OTOGL: variants seen among roughly 807,000 people sequenced by gnomAD.
OTOGL encodes otogelin-like protein.
Under a neutral mutation model 318.5 loss-of-function variants are expected in OTOGL, and 285 were observed. That is an observed-to-expected ratio of 0.89 (90% CI 0.81 to 0.99). OTOGL has a LOEUF of 0.99. OTOGL is among the 50% of genes least tolerant of loss of function. The pLI, the probability that OTOGL is intolerant of heterozygous loss-of-function variation, is 0.00. For synonymous variants in OTOGL, 987 were observed against 936.5 expected (o/e 1.05, Z -0.99); for missense variants, 2,899 against 2,845.6 (o/e 1.02, Z -0.43).
chr12:80,357,328 A>G (rs1889969794), intron 49 of OTOGL, among the ~76,000 whole-genome samples: 1 of 152,194 alleles, frequency 6.6e-6, no homozygotes, highest in African/African-American at 2.4e-5. Flanking sequence ...AGAATGGCAG[A>G]AAGAAAGAGT....
At chr12:80,350,556 G>A (rs779445668) in intron 44 of OTOGL, among the ~76,000 whole-genome samples, 47 of 152,072 alleles carry the variant, frequency 3.1e-4, no homozygotes, top group East Asian at 5.8e-4. Flanking sequence ...CTACATCCTC[G>A]CCAATGATCG....
At chr12:80,119,507 A>G (rs1008333680) in intron 1 of OTOGL, among the ~76,000 whole-genome samples, 2 of 152,222 alleles carry the variant, frequency 1.3e-5, no homozygotes, top group African/African-American at 4.8e-5. Flanking sequence ...TGATTACAAC[A>G]CTAGCAGCAG....
intron 1 of OTOGL, among the ~76,000 whole-genome samples, chr12:80,125,777 G>A (rs1870791387): frequency 2.0e-5 from 3 of 152,174 alleles, no homozygotes; most frequent in South Asian, 4.1e-4. Flanking sequence ...GAGGGTGTAT[G>A]TGTTGAGGAA....
intron 32 of OTOGL, among the ~76,000 whole-genome samples, chr12:80,315,102 G>A (rs527641262): frequency 1.3e-5 from 2 of 152,174 alleles, no homozygotes; most frequent in Non-Finnish European, 2.9e-5. Context: ...AAGGGCAGAT[G>A]TTGGTCAAAG....
At chr12:80,354,422 C>A (rs1195867803) in intron 46 of OTOGL, among the ~76,000 whole-genome samples, 1 of 151,966 alleles carries the variant, frequency 6.6e-6, no homozygotes, top group Non-Finnish European at 1.5e-5. Flanking sequence ...TCTCTTAGAG[C>A]AACACAAAAT....
At chr12:80,184,556 G>T (rs1019195766) in intron 1 of OTOGL, among the ~76,000 whole-genome samples, 5 of 152,138 alleles carry the variant, frequency 3.3e-5, no homozygotes, top group Non-Finnish European at 1.5e-5. Flanking sequence ...GGAAAGGGAA[G>T]ATTCTTAAGG....
At chr12:80,259,236 G>A (rs574619474) in intron 18 of OTOGL, among the ~76,000 whole-genome samples, 2 of 151,268 alleles carry the variant, frequency 1.3e-5, no homozygotes, top group South Asian at 4.2e-4. Flanking sequence ...TAAGTGTTGG[G>A]CTTTGTGATT....
chr12:80,242,968 C>A (rs1265007311), intron 11 of OTOGL, among the ~76,000 whole-genome samples: 1 of 151,968 alleles, frequency 6.6e-6, no homozygotes, highest in Non-Finnish European at 1.5e-5. Context: ...CCAAACCCAG[C>A]AGCAAGGAAA....
intron 1 of OTOGL, among the ~76,000 whole-genome samples, chr12:80,172,104 C>G (rs7135259): frequency 0.076 from 11,558 of 152,100 alleles, 483 homozygotes; most frequent in Middle Eastern, 0.16. Context: ...TTTGCAATCT[C>G]ATCTTTAAAG....
intron 1 of OTOGL, among the ~76,000 whole-genome samples, chr12:80,104,711 C>G: frequency 6.6e-6 from 1 of 152,058 alleles, no homozygotes; most frequent in Non-Finnish European, 1.5e-5. Context: ...TAGATTGTCA[C>G]ACAAAAGATT....
At chr12:80,145,992 G>A (rs1470464236) in intron 1 of OTOGL, among the ~76,000 whole-genome samples, 1 of 150,746 alleles carries the variant, frequency 6.6e-6, no homozygotes, top group African/African-American at 2.5e-5. Flanking sequence ...ATACAATCAT[G>A]TCATCTGTAA....
At chr12:80,126,242 T>G (rs1418379419) in intron 1 of OTOGL, among the ~76,000 whole-genome samples, 3 of 152,216 alleles carry the variant, frequency 2.0e-5, no homozygotes, top group Non-Finnish European at 4.4e-5. Flanking sequence ...ATATTGTGTC[T>G]TTGTTCTCGT....
At chr12:80,158,219 G>C (rs971874785) in intron 1 of OTOGL, among the ~76,000 whole-genome samples, 80 of 152,036 alleles carry the variant, frequency 5.3e-4, no homozygotes, top group African/African-American at 1.9e-3. Context: ...GACTTGAACT[G>C]ACATGAAGCT....
chr12:80,251,989 A>T, intron 12 of OTOGL, 87 bp from the exon 13 acceptor site: 1 of 1,370,298 alleles, frequency 7.3e-7, no homozygotes, highest in Non-Finnish European at 9.6e-7. Flanking sequence ...TTTGCAAATT[A>T]TTTTTTGTAA....
At chr12:80,339,298 G>GTTTTTCTTTT in intron 43 of OTOGL, 34 bp downstream of exon 43, 1 of 445,022 alleles carries the variant, frequency 2.2e-6, no homozygotes, top group Non-Finnish European at 3.1e-6. Flanking sequence ...GATTTCGTCT[G>GTTTTTCTTTT]TTTTTTTTTT....
At chr12:80,249,749 C>T (rs925342570) in intron 11 of OTOGL, among the ~76,000 whole-genome samples, 2 of 152,166 alleles carry the variant, frequency 1.3e-5, no homozygotes, top group Non-Finnish European at 1.5e-5. Context: ...CGATGGCGGG[C>T]GCCCCTCCCC....
chr12:80,357,117 A>G (rs561854197), intron 49 of OTOGL, among the ~76,000 whole-genome samples: 8 of 152,312 alleles, frequency 5.3e-5, no homozygotes, highest in Non-Finnish European at 1.0e-4. Context: ...ATCAACAAAA[A>G]CTACATACAT....
At chr12:80,339,340 A>G (rs1888626228) in intron 43 of OTOGL, 76 bp downstream of exon 43, 1 of 1,172,870 alleles carries the variant, frequency 8.5e-7, no homozygotes, top group Non-Finnish European at 1.1e-6. Context: ...ACGCTATGCC[A>G]TTTTGGACCC....
intron 27 of OTOGL, among the ~76,000 whole-genome samples, chr12:80,300,977 A>G (rs1488283421): frequency 6.6e-6 from 1 of 152,238 alleles, no homozygotes; most frequent in Non-Finnish European, 1.5e-5. Context: ...TATACAATAT[A>G]TTGTGCACCT....
Sources: gnomAD v4.1 joint callset for allele counts (sites outside exome capture counted in the v4.1 genomes callset) on GRCh38, gnomAD v4.1.1 for gene constraint, MANE v1.5 for transcripts, NCBI Gene and HGNC (gene_info 2026-07-23, HGNC 2026-07-21) for gene names.